Variants in ZNF385D observed in about 807,000 individuals in gnomAD.
The protein encoded by ZNF385D is zinc finger protein 385D.
ZNF385D carries 15 observed loss-of-function variants against 35.8 expected under a neutral mutation model. That is an observed-to-expected ratio of 0.42 (90% confidence interval 0.28 to 0.64). The LOEUF (loss-of-function observed/expected upper bound fraction) is 0.64, where lower values mean the gene tolerates loss of function less well. Among genes scored for constraint, ZNF385D ranks in the 30% least tolerant of loss-of-function variants. ZNF385D has a pLI of 0.23. For synonymous variants in ZNF385D, 212 were observed against 186.8 expected, an observed-to-expected ratio of 1.13 and a Z score of -1.10; for missense variants, 474 against 494.6, an observed-to-expected ratio of 0.96 and a Z score of 0.39.
chr3:21,626,320 A>G (rs2065132925), intron 2 of ZNF385D, among the ~76,000 whole-genome samples: 1 of 152,120 alleles, frequency 6.6e-6, no homozygotes, highest in South Asian at 2.1e-4. Flanking sequence ...ACTGTGCCAG[A>G]AACTATGCTA....
At chr3:22,101,156 TAA>T (rs1433022897) in intron 3 of ZNF385D, among the ~76,000 whole-genome samples, 14 of 152,114 alleles carry the variant, frequency 9.2e-5, no homozygotes, top group African/African-American at 2.9e-4. Context: ...CAAAAATAAA[TAA>T]GTTACTGTCT....
At chr3:22,314,502 G>T (rs1264600953) in intron 2 of ZNF385D, among the ~76,000 whole-genome samples, 2 of 152,004 alleles carry the variant, frequency 1.3e-5, no homozygotes, top group Non-Finnish European at 2.9e-5. Flanking sequence ...TTATGCCACA[G>T]TTTATTTGTC....
chr3:21,843,476 TA>T, intron 3 of ZNF385D, among the ~76,000 whole-genome samples: 1 of 151,980 alleles, frequency 6.6e-6, no homozygotes, highest in Non-Finnish European at 1.5e-5. Flanking sequence ...AAGTCATATT[TA>T]TCATGCTCTG....
At chr3:21,998,624 G>C (rs1473378764) in intron 3 of ZNF385D, among the ~76,000 whole-genome samples, 1 of 152,180 alleles carries the variant, frequency 6.6e-6, no homozygotes, top group Non-Finnish European at 1.5e-5. Context: ...CCAGCCAAGA[G>C]ATTTGTTATT....
chr3:22,312,709 C>T (rs1303902952), intron 2 of ZNF385D, among the ~76,000 whole-genome samples: 1 of 150,992 alleles, frequency 6.6e-6, no homozygotes, highest in Non-Finnish European at 1.5e-5. Context: ...GAGATACCAC[C>T]TCACACCAGT....
At chr3:22,269,852 G>A (rs1701083248) in intron 2 of ZNF385D, among the ~76,000 whole-genome samples, 1 of 151,698 alleles carries the variant, frequency 6.6e-6, no homozygotes, top group South Asian at 2.1e-4. Flanking sequence ...AACCTTAAAT[G>A]GCAAATATTG....
At chr3:21,669,013 T>C (rs1220369559) in intron 1 of ZNF385D, among the ~76,000 whole-genome samples, 2 of 152,206 alleles carry the variant, frequency 1.3e-5, no homozygotes, top group Non-Finnish European at 2.9e-5. Flanking sequence ...TTCATTGGAA[T>C]GCCACATTTC....
At chr3:22,023,022 C>G (rs1697315603) in intron 3 of ZNF385D, among the ~76,000 whole-genome samples, 1 of 152,182 alleles carries the variant, frequency 6.6e-6, no homozygotes, top group Non-Finnish European at 1.5e-5. Context: ...ACACAGTTCT[C>G]TGTTCCTTAA....
chr3:22,008,360 C>CATTTTTTT lies in ZNF385D; in HGVS notation c.325+160456_325+160457insAAAAAAAT, dbSNP rs773952386. Among the ~76,000 whole-genome samples, 15 of 131,946 alleles carry CATTTTTTT rather than the reference C, an allele frequency of 1.1e-4. 2 individuals are homozygous for CATTTTTTT. Among genetic ancestry groups the CATTTTTTT allele is most frequent in the East Asian group, 2.1e-4 (1 of 4,778 alleles). The allele number at this position is 131,946 out of a possible 152,430, so 86.6% of individuals were successfully genotyped here. A position where few individuals can be genotyped will look rare whatever the true frequency, so the allele number is the denominator to read the frequency against. On this transcript the variant is annotated intron_variant, in intron 3 of 5. Transcript: ENST00000494108. ...TCACTTTCATACAGGCCATGATTTTCTTTTTTTTTTTTGAGGCGGAGTCTC... is the reference window on the plus strand; with the variant it reads ...TCACTTTCATACAGGCCATGATTTTCATTTTTTTTTTTTTTTTTTTGAGGCGGAGTCTC...
intron 2 of ZNF385D, among the ~76,000 whole-genome samples, chr3:21,664,669 A>G (rs1160890045): frequency 6.6e-6 from 1 of 152,154 alleles, no homozygotes; most frequent in Non-Finnish European, 1.5e-5. Flanking sequence ...CTCATGATCA[A>G]CCGAATCGGA....
chr3:22,164,370 A>G (rs1706174736), intron 3 of ZNF385D, among the ~76,000 whole-genome samples: 1 of 151,662 alleles, frequency 6.6e-6, no homozygotes, highest in African/African-American at 2.4e-5. Context: ...CTGGGACTAC[A>G]GGCATGCGCC....
At chr3:21,981,988 A>T (rs1262287493) in intron 3 of ZNF385D, among the ~76,000 whole-genome samples, 1 of 151,632 alleles carries the variant, frequency 6.6e-6, no homozygotes. Context: ...GTTTGAAGTC[A>T]GGTAACATGA....
At chr3:22,253,808 A>G (rs2125332582) in intron 2 of ZNF385D, among the ~76,000 whole-genome samples, 1 of 149,744 alleles carries the variant, frequency 6.7e-6, no homozygotes, top group Non-Finnish European at 1.5e-5. Flanking sequence ...GTAGCCAAAC[A>G]TTGCTATAAC....
intron 3 of ZNF385D, among the ~76,000 whole-genome samples, chr3:22,072,241 G>A (rs1255892994): frequency 2.0e-5 from 3 of 152,032 alleles, no homozygotes; most frequent in Non-Finnish European, 4.4e-5. Context: ...ATTGGGCATG[G>A]AAAATTCCTG....
chr3:22,000,308 A>G (rs1363791779), intron 3 of ZNF385D, among the ~76,000 whole-genome samples: 1 of 152,010 alleles, frequency 6.6e-6, no homozygotes, highest in African/African-American at 2.4e-5. Flanking sequence ...CCATCTCAAA[A>G]AAAAAAAGGC....
At chr3:21,454,824 G>A (rs938658113) in intron 4 of ZNF385D, among the ~76,000 whole-genome samples, 4 of 152,150 alleles carry the variant, frequency 2.6e-5, no homozygotes, top group Admixed American at 2.6e-4. Flanking sequence ...TGACATGATT[G>A]TATATCTAGA....
chr3:21,768,228 T>G (rs1449143637), intron 3 of ZNF385D, among the ~76,000 whole-genome samples: 1 of 152,162 alleles, frequency 6.6e-6, no homozygotes, highest in African/African-American at 2.4e-5. Flanking sequence ...AGTTATTACC[T>G]ATTTTATAAT....
At chr3:21,907,702 A>C (rs1412051604) in intron 3 of ZNF385D, among the ~76,000 whole-genome samples, 1 of 152,160 alleles carries the variant, frequency 6.6e-6, no homozygotes, top group Non-Finnish European at 1.5e-5. Context: ...GTACATCCTC[A>C]AAATTGTCAT....
chr3:21,765,645 A>AC (rs530502127), intron 3 of ZNF385D, among the ~76,000 whole-genome samples: 214 of 150,720 alleles, frequency 1.4e-3, no homozygotes, highest in East Asian at 0.01. Context: ...AACAACAACA[A>AC]AAAAAAAATA....
Sources: allele counts gnomAD v4.1 joint callset (sites outside exome capture counted in the v4.1 genomes callset), GRCh38; gene constraint gnomAD v4.1.1; transcripts MANE v1.5; gene names NCBI Gene and HGNC (gene_info 2026-07-23, HGNC 2026-07-21).